Variants in ZKSCAN3 observed in about 807,000 individuals in gnomAD.
ZKSCAN3 encodes zinc finger protein with KRAB and SCAN domains 3.
A neutral mutation model predicts 30.7 loss-of-function variants in ZKSCAN3; 21 were observed. That is an observed-to-expected ratio of 0.68 (90% CI 0.49 to 0.99). The LOEUF (loss-of-function observed/expected upper bound fraction) is 0.99. Among genes scored for constraint, ZKSCAN3 ranks in the 50% least tolerant of loss-of-function variants. The pLI is 0.00. For missense variants in ZKSCAN3, 507 were observed against 647.1 expected (o/e 0.78, Z 2.35); for synonymous variants, 201 against 246.7 (o/e 0.81, Z 1.73).
At chr6:28,352,463 G>C (rs1388148690) in intron 1 of ZKSCAN3, among the ~76,000 whole-genome samples, 2 of 152,038 alleles carry the variant, frequency 1.3e-5, no homozygotes, top group African/African-American at 4.8e-5. Context: ...ATATGGGCCA[G>C]GCTGTTCTTG....
intron 1 of ZKSCAN3, chr6:28,355,677 G>T: frequency 6.6e-6 from 1 of 152,308 alleles, no homozygotes; most frequent in Non-Finnish European, 1.5e-5. Flanking sequence ...TTCTAAATCT[G>T]CAAGAGAATC....
Position 28,359,941 on chromosome 6 carries a change from G to A in ZKSCAN3, c.355G>A (p.Val119Met), listed in dbSNP as rs147610271. The A allele has an allele frequency of 7.6e-5, 123 of 1,614,126 alleles. No individual in the cohort carries two copies. In the African/African-American group the frequency reaches 1.6e-3, roughly 21 times the overall value. ...QHPESGEEVV[V>M]LLEYLERQLD... ...TCCAGAGAGCGGGGAGGAGGTGGTG[G>A]TGCTATTGGAGTATTTGGAGAGGCA... Residue 119 changes from valine to methionine, a missense_variant, in exon 2 of 6, where the codon GTG becomes ATG. By Grantham distance (21) the Val-to-Met change is conservative. Transcript: ENST00000252211.
At chr6:28,360,871 C>T (rs1765730664) in intron 2 of ZKSCAN3, among the ~76,000 whole-genome samples, 1 of 152,280 alleles carries the variant, frequency 6.6e-6, no homozygotes, top group South Asian at 2.1e-4. Flanking sequence ...AACCTGCATA[C>T]ATATCGTATG....
rs758615120 is a variant in ZKSCAN3, at chr6:28,365,501, C to T, written c.833C>T (p.Ser278Leu). 8.1e-6 allele frequency: 13 copies of T among 1,609,686 alleles called. No individual in the cohort carries two copies. The Admixed American group carries it at 8.4e-5, about 10-fold the overall frequency. The change falls in exon 6 of 6, where the codon TCG becomes TTG. Residue 278 changes from serine to leucine, a missense_variant. Physicochemically the swap from Ser to Leu is moderately radical, Grantham distance 145 (BLOSUM62 -2). Transcript: ENST00000252211. ...ELPEKEHGKI[S>L]CHLREDIAQI... ...CCAGAAAAGGAGCATGGGAAGATAT[C>T]GTGCCACCTGAGAGAAGACATTGCC... is the stretch of plus-strand genomic sequence containing the variant.
intron 1 of ZKSCAN3, among the ~76,000 whole-genome samples, chr6:28,354,446 A>G (rs974527398): frequency 8.5e-5 from 13 of 152,194 alleles, no homozygotes; most frequent in Admixed American, 5.9e-4. Flanking sequence ...CACAGGCCCA[A>G]TATATAGGTT....
chr6:28,360,618 G>A, intron 2 of ZKSCAN3: 1 of 978,232 alleles, frequency 1.0e-6, no homozygotes, highest in Non-Finnish European at 1.2e-6. Flanking sequence ...TGTCCTCTTT[G>A]CATCATCCTG....
intron 1 of ZKSCAN3, among the ~76,000 whole-genome samples, chr6:28,356,574 G>T (rs1765438987): frequency 6.6e-6 from 1 of 152,214 alleles, no homozygotes; most frequent in Non-Finnish European, 1.5e-5. Flanking sequence ...GGGCCCAGTG[G>T]CTGTTCATGC....
intron 2 of ZKSCAN3, chr6:28,360,674 T>C (rs1765715907): frequency 1.4e-5 from 14 of 985,302 alleles, no homozygotes; most frequent in Non-Finnish European, 1.7e-5. Context: ...GCCAGAGCCT[T>C]CTAAATGGTG....
At position 28,361,731 on chromosome 6, in the gene ZKSCAN3, G is replaced by GT. The variant is rs370292663; in HGVS notation, c.550+271dup. Among the ~76,000 whole-genome samples the GT allele has an allele frequency of 4.9e-3, 727 of 147,438 alleles. 7 individuals carry two copies. The highest frequency in any genetic ancestry group is 7.7e-3 in the Non-Finnish European group (508 of 66,400). On this transcript the variant is annotated intron_variant, in intron 3 of 5. Transcript: ENST00000252211. Reference sequence around the variant, plus strand: ...GCTTGGGTTTTGTTTTGTTGTATTGGTTTTTTTTTTTCTTGTATTGGTTTT... The same window carrying GT: ...GCTTGGGTTTTGTTTTGTTGTATTGGTTTTTTTTTTTTCTTGTATTGGTTTT...
At chr6:28,363,902 C>A (rs1232955371) in intron 5 of ZKSCAN3, 87 bp downstream of exon 5, 1 of 1,519,514 alleles carries the variant, frequency 6.6e-7, no homozygotes, top group South Asian at 1.2e-5. Context: ...AGCTGTTGAG[C>A]CCTGTTATGT....
intron 1 of ZKSCAN3, among the ~76,000 whole-genome samples, chr6:28,352,496 G>A (rs1262511276): frequency 6.6e-6 from 1 of 152,104 alleles, no homozygotes; most frequent in East Asian, 1.9e-4. Flanking sequence ...CAGGAAATCT[G>A]CCTCAGCCTC....
At chr6:28,360,436 T>C in intron 2 of ZKSCAN3, 1 of 392,780 alleles carries the variant, frequency 2.5e-6, no homozygotes, top group East Asian at 1.6e-4. Flanking sequence ...CCATTCATAA[T>C]TGGAAGGAAA....
intron 1 of ZKSCAN3, among the ~76,000 whole-genome samples, chr6:28,357,995 A>T (rs1765537924): frequency 6.6e-6 from 1 of 152,182 alleles, no homozygotes; most frequent in Non-Finnish European, 1.5e-5. Context: ...CTTTTGGTCC[A>T]GGGCCTTCTG....
chr6:28,368,548 A>G lies in ZKSCAN3; in HGVS notation c.*2263A>G, dbSNP rs960711446. 1.3e-5 allele frequency: 2 copies of G among 152,442 alleles called. No individual in the cohort carries two copies. Among genetic ancestry groups the G allele is most frequent in the Non-Finnish European group, 2.9e-5 (2 of 68,024 alleles). 9.4% of individuals were successfully genotyped at this position (152,442 alleles called of 1,614,324 possible). A position where few individuals can be genotyped will look rare whatever the true frequency, so the allele number is the denominator to read the frequency against. On this transcript the variant is annotated 3_prime_UTR_variant, in exon 6 of 6. Transcript: ENST00000252211. The stretch of plus-strand genomic sequence containing the variant: ...TTTTAGTCAGCATTATACAAGTAGT[A>G]TTTATTATGTATACATTCAGTGGAG...
In ZKSCAN3 at chr6:28,359,969, T is replaced by C; in HGVS notation, c.383T>C (p.Leu128Pro). ...VVLLEYLERQ[L>P]DEPAPQVSGV... Reference sequence around the variant, plus strand: ...CTATTGGAGTATTTGGAGAGGCAGCTGGATGAGCCGGCGCCGCAGGTAGAA... The same window carrying C: ...CTATTGGAGTATTTGGAGAGGCAGCCGGATGAGCCGGCGCCGCAGGTAGAA... The change falls in exon 2 of 6, where the codon CTG becomes CCG. Residue 128 changes from leucine to proline, a missense_variant. Physicochemically the swap from Leu to Pro is moderately conservative, Grantham distance 98. Coordinates refer to ENST00000252211, the MANE Select transcript of ZKSCAN3 (RefSeq NM_024493.4). 1.2e-6 allele frequency: 2 copies of C among 1,614,154 alleles called. No individual in the cohort carries two copies. The highest frequency in any genetic ancestry group is 1.7e-6 in the Non-Finnish European group (2 of 1,180,030).
intron 2 of ZKSCAN3, chr6:28,360,642 A>G (rs1294926953): frequency 2.0e-6 from 2 of 985,240 alleles, no homozygotes; most frequent in African/African-American, 1.7e-5. Flanking sequence ...CCCTGTGCAC[A>G]CACCCTCAGA....
In ZKSCAN3 at chr6:28,360,505, T is replaced by A. The variant is rs939399889; in HGVS notation, c.402+517T>A. 4.4e-6 allele frequency: 4 copies of A among 906,106 alleles called. No individual in the cohort carries two copies. The African/African-American group carries it at 5.4e-5, about 12-fold the overall frequency. 56.1% of individuals were successfully genotyped at this position (906,106 alleles called of 1,614,324 possible). A position where few individuals can be genotyped will look rare whatever the true frequency, so the allele number is the denominator to read the frequency against. On this transcript the variant is annotated intron_variant, in intron 2 of 5. Transcript: ENST00000252211. ...AGATTAGCTTTTGTCCTGTTCAAGT[T>A]CATGGACTACGTGGGAAGGAGTTCA...
intron 1 of ZKSCAN3, among the ~76,000 whole-genome samples, chr6:28,357,725 G>A (rs965370019): frequency 4.6e-4 from 70 of 152,234 alleles, no homozygotes; most frequent in African/African-American, 1.6e-3. Context: ...AAGAAAGAAA[G>A]TGGCAGATTG....
At chr6:28,362,042 C>T (rs1044295160) in intron 3 of ZKSCAN3, among the ~76,000 whole-genome samples, 2 of 152,182 alleles carry the variant, frequency 1.3e-5, no homozygotes, top group Non-Finnish European at 2.9e-5. Flanking sequence ...CTCAAGTGAT[C>T]CTCCTGCCTG....
Sources: allele counts gnomAD v4.1 joint callset (sites outside exome capture counted in the v4.1 genomes callset), GRCh38; gene constraint gnomAD v4.1.1; transcripts MANE v1.5; gene names NCBI Gene and HGNC (gene_info 2026-07-23, HGNC 2026-07-21).